Variants in ELOVL6 observed in about 807,000 individuals in gnomAD.
ELOVL6 encodes very long chain fatty acid elongase 6.
In ELOVL6, 8 loss-of-function variants were observed where a neutral mutation model predicts 31.7. The observed-to-expected ratio is 0.25, with a 90% CI of 0.15 to 0.45. The LOEUF (loss-of-function observed/expected upper bound fraction) is 0.45. Ranked by LOEUF, ELOVL6 falls within the 20% of genes least tolerant of loss-of-function variation. The pLI is 1.00. For synonymous variants in ELOVL6, 101 were observed against 117.7 expected, an observed-to-expected ratio of 0.86 and a Z score of 0.92; for missense variants, 126 against 326.4, an observed-to-expected ratio of 0.39 and a Z score of 4.73.
chr4:110,126,868 T>C (rs1449914627), intron 1 of ELOVL6, among the ~76,000 whole-genome samples: 1 of 152,168 alleles, frequency 6.6e-6, no homozygotes, highest in Non-Finnish European at 1.5e-5. Flanking sequence ...CCAGAATCCC[T>C]CAGGACTCTT....
At chr4:110,131,248 A>G (rs1757660736) in intron 1 of ELOVL6, among the ~76,000 whole-genome samples, 1 of 152,226 alleles carries the variant, frequency 6.6e-6, no homozygotes, top group Non-Finnish European at 1.5e-5. Context: ...CAGAAGGGCT[A>G]GAAGAGTTTG....
chr4:110,180,637 A>G (rs1004661315), intron 1 of ELOVL6, among the ~76,000 whole-genome samples: 7 of 152,212 alleles, frequency 4.6e-5, no homozygotes, highest in Admixed American at 6.5e-5. Context: ...TCCTGGAATC[A>G]AGCAATTCTC....
intron 1 of ELOVL6, among the ~76,000 whole-genome samples, chr4:110,161,863 G>A (rs1758639341): frequency 1.3e-5 from 2 of 152,184 alleles, no homozygotes; most frequent in African/African-American, 4.8e-5. Context: ...GGAAACTAAC[G>A]CTGTATTTCC....
chr4:110,070,503 C>T (rs1010330733), intron 2 of ELOVL6, among the ~76,000 whole-genome samples: 8 of 152,172 alleles, frequency 5.3e-5, no homozygotes, highest in African/African-American at 1.4e-4. Context: ...TCCAGTGCAA[C>T]GATAATAGCA....
intron 1 of ELOVL6, among the ~76,000 whole-genome samples, chr4:110,143,829 G>A (rs916231711): frequency 3.3e-5 from 5 of 152,274 alleles, no homozygotes; most frequent in African/African-American, 4.8e-5. Flanking sequence ...GCTGAGGCGG[G>A]TGGATCACCT....
At chr4:110,129,766 T>C (rs1331426479) in intron 1 of ELOVL6, among the ~76,000 whole-genome samples, 2 of 152,176 alleles carry the variant, frequency 1.3e-5, no homozygotes, top group African/African-American at 4.8e-5. Context: ...CCTGATAGCA[T>C]CATCCAGCTG....
chr4:110,082,871 T>A (rs1311084649), intron 2 of ELOVL6, among the ~76,000 whole-genome samples: 1 of 152,194 alleles, frequency 6.6e-6, no homozygotes, highest in African/African-American at 2.4e-5. Context: ...GAATATGGAC[T>A]CAACAATTAT....
chr4:110,135,940 G>A (rs1233950585), intron 1 of ELOVL6, among the ~76,000 whole-genome samples: 1 of 152,200 alleles, frequency 6.6e-6, no homozygotes, highest in Non-Finnish European at 1.5e-5. Flanking sequence ...ATTGGATGTT[G>A]AGTGTGTGTG....
chr4:110,118,972 A>G (rs1204746942), intron 1 of ELOVL6, among the ~76,000 whole-genome samples: 1 of 152,186 alleles, frequency 6.6e-6, no homozygotes, highest in Non-Finnish European at 1.5e-5. Flanking sequence ...GAGGTAGGTG[A>G]ATGGCTTTAG....
intron 2 of ELOVL6, among the ~76,000 whole-genome samples, chr4:110,099,829 A>T (rs1756689483): frequency 6.6e-6 from 1 of 152,202 alleles, no homozygotes; most frequent in Admixed American, 6.5e-5. Context: ...GACATGTCAT[A>T]GCAACATGAT....
At chr4:110,165,789 A>G (rs1758757772) in intron 1 of ELOVL6, among the ~76,000 whole-genome samples, 1 of 152,194 alleles carries the variant, frequency 6.6e-6, no homozygotes, top group Admixed American at 6.5e-5. Flanking sequence ...TGGCCAGGTA[A>G]CACCTGCCTT....
chr4:110,066,570 G>A (rs1313906489), intron 2 of ELOVL6, among the ~76,000 whole-genome samples: 1 of 149,204 alleles, frequency 6.7e-6, no homozygotes, highest in Non-Finnish European at 1.5e-5. Flanking sequence ...ACGCAGGAGG[G>A]GGAGCCTGCA....
chr4:110,102,338 T>C (rs577746686), intron 2 of ELOVL6, among the ~76,000 whole-genome samples: 92 of 152,334 alleles, frequency 6.0e-4, no homozygotes, highest in African/African-American at 2.0e-3. Flanking sequence ...GACTTCTGCA[T>C]GTGCATTGCA....
At chr4:110,194,828 T>C (rs1172245656) in intron 1 of ELOVL6, among the ~76,000 whole-genome samples, 1 of 152,224 alleles carries the variant, frequency 6.6e-6, no homozygotes, top group Non-Finnish European at 1.5e-5. Flanking sequence ...CTCCTGGCCA[T>C]TCTCACAGTT....
intron 1 of ELOVL6, among the ~76,000 whole-genome samples, chr4:110,191,798 A>G (rs1405756547): frequency 6.6e-6 from 1 of 152,044 alleles, no homozygotes; most frequent in Non-Finnish European, 1.5e-5. Context: ...GCTCAAAAAA[A>G]AGAAAAGAAA....
chr4:110,084,621 G>A (rs1355708791), intron 2 of ELOVL6, among the ~76,000 whole-genome samples: 1 of 100,044 alleles, frequency 1.0e-5, no homozygotes, highest in East Asian at 3.3e-4. Context: ...TTGAGATGGA[G>A]TCTTGCTCTG....
chr4:110,120,043 G>T (rs545362337), intron 1 of ELOVL6, among the ~76,000 whole-genome samples: 1 of 152,306 alleles, frequency 6.6e-6, no homozygotes, highest in East Asian at 1.9e-4. Flanking sequence ...GGAGAGAAGA[G>T]TGTGTATGTG....
rs749083685 is a variant in ELOVL6 at position 110,131,851 on chromosome 4, T to C, written c.90-26223A>G. Among the ~76,000 whole-genome samples the C allele has an allele frequency of 6.6e-5, 10 of 151,934 alleles. No individual in the cohort carries two copies. The South Asian group carries it at 1.2e-3, about 19-fold the overall frequency. On this transcript the variant is annotated intron_variant, in intron 1 of 3. Transcript: ENST00000302274. ...TAGACAAGTAAACAAAAATCTATAA[T>C]GCACTCTAAATATTCAGAATGGTAT...
In ELOVL6 at chr4:110,158,657, A is replaced by ATATATATTTT; in HGVS notation, c.89+39589_89+39590insAAAATATATA. On this transcript the variant is annotated intron_variant, in intron 1 of 3. Coordinates refer to ENST00000302274, the MANE Select transcript of ELOVL6 (RefSeq NM_024090.3). ...CGTGTATATATATATATATATATAT[A>ATATATATTTT]TTTTTTTTTTTTTTTTTTTTGAGAC... Among the ~76,000 whole-genome samples, 17 of 74,158 alleles carry ATATATATTTT rather than the reference A, an allele frequency of 2.3e-4. 1 individual carries two copies. Among genetic ancestry groups the ATATATATTTT allele is most frequent in the African/African-American group, 5.8e-4 (7 of 12,070 alleles). 48.7% of individuals were successfully genotyped at this position (74,158 alleles called of 152,430 possible).
Sources: allele counts gnomAD v4.1 joint callset (sites outside exome capture counted in the v4.1 genomes callset), GRCh38; gene constraint gnomAD v4.1.1; transcripts MANE v1.5; gene names NCBI Gene and HGNC (gene_info 2026-07-23, HGNC 2026-07-21).